SLC6A17: variants seen among roughly 807,000 people sequenced by gnomAD.
SLC6A17 encodes sodium-dependent neutral amino acid transporter SLC6A17.
A neutral mutation model predicts 64.5 loss-of-function variants in SLC6A17; 21 were observed. The ratio of observed to expected loss-of-function variants is 0.33; its 90% CI spans 0.23 to 0.47. The LOEUF is 0.47. Among genes scored for constraint, SLC6A17 ranks in the 20% least tolerant of loss-of-function variants. SLC6A17 has a pLI of 1.00. For missense variants in SLC6A17, 682 were observed against 963.2 expected (o/e 0.71, Z 3.86); for synonymous variants, 372 against 399.5 (o/e 0.93, Z 0.82).
Position 110,189,984 on chromosome 1 carries a change from T to C in SLC6A17, c.865-1988T>C, listed in dbSNP as rs540259820. ...TTTGTTCGTGGGATCATTTGACCAA[T>C]GTGTCTCTCTCCAACTAGAATGTAA... On this transcript the variant is annotated intron_variant, in intron 6 of 11. Transcript: ENST00000331565. Among the ~76,000 whole-genome samples, 84 of 152,334 alleles carry C rather than the reference T, an allele frequency of 5.5e-4. 2 individuals carry two copies. Among genetic ancestry groups the C allele is most frequent in the Non-Finnish European group, 7.6e-4 (52 of 68,032 alleles).
At chr1:110,188,331 T>A (rs947856478) in intron 6 of SLC6A17, among the ~76,000 whole-genome samples, 6 of 152,264 alleles carry the variant, frequency 3.9e-5, no homozygotes, top group African/African-American at 1.4e-4. Context: ...CATCCGCCTA[T>A]GCAAGGGGGT....
At chr1:110,157,972 A>G (rs1655804022) in intron 1 of SLC6A17, among the ~76,000 whole-genome samples, 1 of 152,160 alleles carries the variant, frequency 6.6e-6, no homozygotes. Flanking sequence ...CTGTTGTAGC[A>G]TCCCTGCTGT....
chr1:110,195,754 A>C lies in SLC6A17; in HGVS notation c.1652+9A>C. ...ATTTATGGAACCAAGAAGTAAGAGG[A>C]ACATGGGGGAAAGGTGGGATGGGAG... On this transcript the variant is annotated intron_variant, in intron 10 of 11. Transcript: ENST00000331565. 6.2e-7 allele frequency: 1 copy of C among 1,614,048 alleles called. No individual in the cohort carries two copies. Among genetic ancestry groups the C allele is most frequent in the South Asian group, 1.1e-5 (1 of 91,082 alleles).
chr1:110,174,632 C>T (rs956098528), intron 4 of SLC6A17, 147 bp from the exon 5 acceptor site: 38 of 983,998 alleles, frequency 3.9e-5, no homozygotes, highest in African/African-American at 3.1e-4. Flanking sequence ...TGCCAGATCC[C>T]GGCTAACCCA....
Position 110,198,470 on chromosome 1 carries a change from TC to T in SLC6A17, c.*32del. On this transcript the variant is annotated 3_prime_UTR_variant, in exon 12 of 12. Transcript: ENST00000331565. Reference sequence around the variant, plus strand: ...CCACTGCCCAAGCCCTGCCCGCCTCTCCCCCCACGCTCAACCTGCCCACTTG... The same window carrying T: ...CCACTGCCCAAGCCCTGCCCGCCTCTCCCCCACGCTCAACCTGCCCACTTG... 4 of 1,578,470 alleles carry T rather than the reference TC, an allele frequency of 2.5e-6. No individual in the cohort carries two copies. Among genetic ancestry groups the T allele is most frequent in the Non-Finnish European group, 8.6e-7 (1 of 1,160,726 alleles).
chr1:110,197,349 G>A (rs552273144), intron 10 of SLC6A17, 88 bp from the exon 11 acceptor site: 78 of 1,512,282 alleles, frequency 5.2e-5, no homozygotes, highest in East Asian at 6.8e-5. Flanking sequence ...ACTGGGAAAC[G>A]AAGACTTTCT....
chr1:110,183,834 G>A (rs1656595903), intron 6 of SLC6A17, among the ~76,000 whole-genome samples: 1 of 152,044 alleles, frequency 6.6e-6, no homozygotes, highest in African/African-American at 2.4e-5. Flanking sequence ...TAGGAGACAA[G>A]GTGATTGTCT....
intron 6 of SLC6A17, among the ~76,000 whole-genome samples, chr1:110,185,254 C>A (rs1254128714): frequency 1.3e-5 from 2 of 152,354 alleles, no homozygotes; most frequent in South Asian, 4.1e-4. Context: ...GTGCTTAGGA[C>A]TGCTCCTGGC....
chr1:110,173,073 C>T lies in SLC6A17; in HGVS notation c.444+856C>T, dbSNP rs575493778. Among the ~76,000 whole-genome samples the T allele has an allele frequency of 2.4e-3, 371 of 152,344 alleles. 1 individual carries two copies. The highest frequency in any genetic ancestry group is 8.3e-3 in the African/African-American group (344 of 41,576). On this transcript the variant is annotated intron_variant, in intron 3 of 11. Transcript: ENST00000331565. ...CCATCAGCTTTGCACTGGCCAATGC[C>T]GTGTATTCTGCTGGGGCTGGCTGTG...
intron 6 of SLC6A17, among the ~76,000 whole-genome samples, chr1:110,189,906 C>G (rs138205959): frequency 2.6e-5 from 4 of 152,234 alleles, no homozygotes. Context: ...TATGGGCTCT[C>G]CAAGCACTGG....
chr1:110,170,997 G>A (rs1656209600), intron 2 of SLC6A17, among the ~76,000 whole-genome samples: 1 of 152,220 alleles, frequency 6.6e-6, no homozygotes, highest in Non-Finnish European at 1.5e-5. Context: ...GGCTCAGAGT[G>A]GACCTGCAGT....
chr1:110,194,905 G>A, intron 9 of SLC6A17, 134 bp downstream of exon 9: 1 of 1,064,912 alleles, frequency 9.4e-7, no homozygotes, highest in Non-Finnish European at 1.4e-6. Flanking sequence ...CACAGCTGGA[G>A]CCTGGCTGTG....
chr1:110,172,147 G>A lies in SLC6A17; in HGVS notation c.374G>A (p.Arg125His), dbSNP rs776136026. 4.3e-6 allele frequency: 7 copies of A among 1,613,474 alleles called. No homozygotes were observed. The highest frequency in any genetic ancestry group is 1.3e-5 in the African/African-American group (1 of 74,904). ...GAGCTGGCTGTGGGTCAGAGGATCC[G>A]CCGCGGCAGCATCGGTGTGTGGCAC... ...FLELAVGQRI[R>H]RGSIGVWHYI... The change falls in exon 3 of 12, where the codon CGC becomes CAC. Residue 125 changes from arginine to histidine, a missense_variant. Coordinates refer to ENST00000331565, the MANE Select transcript of SLC6A17 (RefSeq NM_001010898.4).
chr1:110,170,848 TGTG>T (rs1656204415), intron 2 of SLC6A17, among the ~76,000 whole-genome samples: 1 of 149,118 alleles, frequency 6.7e-6, no homozygotes, highest in South Asian at 2.1e-4. Flanking sequence ...TAGTCTGTGG[TGTG>T]TGTGTGTGTG....
chr1:110,173,937 G>A lies in SLC6A17; in HGVS notation c.445-36G>A, dbSNP rs750813240. ...GCGTGGGGGCAGGGTGGAGTTGCCT[G>A]CAGCCTCAGTGACCCCGCAGTGGGC... On this transcript the variant is annotated intron_variant, in intron 3 of 11. Transcript: ENST00000331565. 60 of 1,597,538 alleles carry A rather than the reference G, an allele frequency of 3.8e-5. No individual in the cohort carries two copies. The Middle Eastern group carries it at 1.0e-3, about 27-fold the overall frequency.
intron 3 of SLC6A17, among the ~76,000 whole-genome samples, chr1:110,173,669 A>G (rs1036773123): frequency 1.3e-5 from 2 of 152,256 alleles, no homozygotes; most frequent in African/African-American, 4.8e-5. Context: ...AGGAGAAAGT[A>G]CTTCAAGTAT....
intron 6 of SLC6A17, among the ~76,000 whole-genome samples, chr1:110,191,362 G>A (rs1341224108): frequency 1.3e-5 from 2 of 152,240 alleles, no homozygotes; most frequent in Non-Finnish European, 2.9e-5. Flanking sequence ...TCGGGCTCCT[G>A]TCAGGTGTGA....
At chr1:110,158,475 T>C (rs979537821) in intron 1 of SLC6A17, among the ~76,000 whole-genome samples, 44 of 152,330 alleles carry the variant, frequency 2.9e-4, no homozygotes, top group African/African-American at 1.0e-3. Context: ...TAAGCCCATT[T>C]CCCACATGTT....
Position 110,194,150 on chromosome 1 carries a change from G to A in SLC6A17, c.1300-429G>A, listed in dbSNP as rs1203277634. Among the ~76,000 whole-genome samples the A allele has an allele frequency of 2.0e-5, 3 of 152,220 alleles. No homozygotes were observed. In the South Asian group the frequency reaches 6.2e-4, roughly 32 times the overall value. On this transcript the variant is annotated intron_variant, in intron 8 of 11. Transcript: ENST00000331565. ...TCGGTGTTTCTAAAGGCTCCGGTGT[G>A]CTTCCATTGAGAGCCGAGGCTGAGA...
Sources: allele counts gnomAD v4.1 joint callset (sites outside exome capture counted in the v4.1 genomes callset), GRCh38; gene constraint gnomAD v4.1.1; transcripts MANE v1.5; gene names NCBI Gene and HGNC (gene_info 2026-07-23, HGNC 2026-07-21).